The following NAV2 variants were observed in gnomAD, a reference collection of about 807,000 sequenced individuals.
The protein encoded by NAV2 is neuron navigator 2.
A neutral mutation model predicts 223.2 loss-of-function variants in NAV2; 54 were observed. The observed-to-expected ratio is 0.24, with a 90% confidence interval of 0.19 to 0.30. The LOEUF (loss-of-function observed/expected upper bound fraction) is 0.30, where lower values mean the gene tolerates loss of function less well. Among genes scored for constraint, NAV2 ranks in the 10% least tolerant of loss-of-function variants. NAV2 has a pLI of 1.00. For synonymous variants in NAV2, 1,279 were observed against 1,239.3 expected, an observed-to-expected ratio of 1.03 and a Z score of -0.67; for missense variants, 2,806 against 3,147.5, an observed-to-expected ratio of 0.89 and a Z score of 2.60.
At chr11:20,059,112 A>G (rs1194294798) in intron 19 of NAV2, among the ~76,000 whole-genome samples, 1 of 151,368 alleles carries the variant, frequency 6.6e-6, no homozygotes, top group Non-Finnish European at 1.5e-5. Flanking sequence ...GCAAGCTCTG[A>G]TCTTTCATCA....
At chr11:20,051,946 T>C (rs2058039901) in intron 17 of NAV2, among the ~76,000 whole-genome samples, 1 of 152,152 alleles carries the variant, frequency 6.6e-6, no homozygotes, top group Admixed American at 6.5e-5. Flanking sequence ...TCCTGGTAAG[T>C]GGTGGCTCAG....
At chr11:19,412,840 G>A (rs192224493) in intron 1 of NAV2, among the ~76,000 whole-genome samples, 20 of 152,306 alleles carry the variant, frequency 1.3e-4, no homozygotes, top group Middle Eastern at 3.4e-3. Context: ...GGGCCTGACC[G>A]TTAGAAGGCA....
rs570995010 is a variant in NAV2 at position 19,916,012 on chromosome 11, T to C, written c.932-17164T>C. 3.6e-4 allele frequency among the ~76,000 whole-genome samples: 55 copies of C among 152,330 alleles called. 1 individual carries two copies. The highest frequency in any genetic ancestry group is 1.3e-3 in the African/African-American group (55 of 41,582). ...CTCTTCAAGCCTCAGTTTCCTCATC[T>C]GTAAAATGGGGGTATAGCAGTATCT... is the stretch of plus-strand genomic sequence containing the variant. On this transcript the variant is annotated intron_variant, in intron 6 of 37. Transcript: ENST00000349880.
intron 1 of NAV2, among the ~76,000 whole-genome samples, chr11:19,486,655 A>G (rs774572543): frequency 2.6e-4 from 40 of 152,248 alleles, no homozygotes; most frequent in Admixed American, 1.0e-3. Flanking sequence ...GCCTCCCCAA[A>G]CATGTGGAAC....
chr11:19,493,646 T>C (rs1266930165), intron 1 of NAV2, among the ~76,000 whole-genome samples: 1 of 152,142 alleles, frequency 6.6e-6, no homozygotes, highest in African/African-American at 2.4e-5. Flanking sequence ...CCCCTGGGAC[T>C]GCCACCGGAT....
intron 1 of NAV2, among the ~76,000 whole-genome samples, chr11:19,390,151 C>T (rs1249409017): frequency 6.6e-6 from 1 of 152,148 alleles, no homozygotes; most frequent in Non-Finnish European, 1.5e-5. Flanking sequence ...GGATCCTCAC[C>T]ATGGTCATTG....
intron 1 of NAV2, among the ~76,000 whole-genome samples, chr11:19,534,344 A>C (rs1458795539): frequency 6.6e-6 from 1 of 152,194 alleles, no homozygotes; most frequent in Non-Finnish European, 1.5e-5. Context: ...TGCAGACTTC[A>C]GTGCATGGTT....
chr11:19,488,251 T>C (rs2042511216), intron 1 of NAV2, among the ~76,000 whole-genome samples: 1 of 152,200 alleles, frequency 6.6e-6, no homozygotes, highest in Non-Finnish European at 1.5e-5. Flanking sequence ...TATCCGTTGA[T>C]TGAAAAGATG....
intron 11 of NAV2, among the ~76,000 whole-genome samples, chr11:19,996,963 T>G (rs1047397174): frequency 1.3e-5 from 2 of 152,158 alleles, no homozygotes; most frequent in Non-Finnish European, 2.9e-5. Context: ...TTTCTATTGG[T>G]ACCTCTTTCT....
At chr11:19,717,851 A>C (rs145631637) in intron 1 of NAV2, among the ~76,000 whole-genome samples, 348 of 152,326 alleles carry the variant, frequency 2.3e-3, no homozygotes, top group African/African-American at 7.6e-3. Flanking sequence ...CTATTCTGAC[A>C]CCTTGTTTTA....
At chr11:19,387,447 G>A (rs1431789435) in intron 1 of NAV2, among the ~76,000 whole-genome samples, 1 of 152,128 alleles carries the variant, frequency 6.6e-6, no homozygotes, top group African/African-American at 2.4e-5. Flanking sequence ...TGGGCTGGGA[G>A]GTGGGTGGTG....
intron 1 of NAV2, among the ~76,000 whole-genome samples, chr11:19,621,337 C>A (rs903364209): frequency 3.3e-4 from 50 of 152,146 alleles, no homozygotes; most frequent in African/African-American, 1.2e-3. Context: ...ATGGTACCAG[C>A]TCCTCCTTAT....
chr11:19,420,453 A>G (rs957424612), intron 1 of NAV2, among the ~76,000 whole-genome samples: 14 of 152,346 alleles, frequency 9.2e-5, no homozygotes, highest in African/African-American at 3.4e-4. Context: ...AATGAAGGCA[A>G]AAGTAATCTG....
chr11:19,578,325 GC>G (rs1343811840), intron 1 of NAV2, among the ~76,000 whole-genome samples: 1 of 152,258 alleles, frequency 6.6e-6, no homozygotes, highest in Non-Finnish European at 1.5e-5. Flanking sequence ...AGAGAAATGA[GC>G]CAGTGATTTG....
At chr11:19,464,200 G>C (rs1852267027) in intron 1 of NAV2, among the ~76,000 whole-genome samples, 1 of 152,132 alleles carries the variant, frequency 6.6e-6, no homozygotes, top group African/African-American at 2.4e-5. Context: ...CTACACTCTA[G>C]TGGGACTGTT....
At chr11:19,480,958 A>C (rs1401825901) in intron 1 of NAV2, among the ~76,000 whole-genome samples, 1 of 152,200 alleles carries the variant, frequency 6.6e-6, no homozygotes, top group Non-Finnish European at 1.5e-5. Context: ...ATAGAGCCTG[A>C]AGGGGAGGAA....
intron 1 of NAV2, among the ~76,000 whole-genome samples, chr11:19,663,611 A>G (rs1394609117): frequency 2.0e-5 from 3 of 152,094 alleles, no homozygotes; most frequent in African/African-American, 7.2e-5. Flanking sequence ...TCCTAGTGGC[A>G]TATTCTCTTT....
chr11:19,816,686 G>C (rs1287791825), intron 1 of NAV2, among the ~76,000 whole-genome samples: 1 of 152,176 alleles, frequency 6.6e-6, no homozygotes, highest in East Asian at 1.9e-4. Flanking sequence ...CATCAACACA[G>C]AATATCCGCC....
At chr11:19,739,425 G>A (rs1318246132) in intron 1 of NAV2, among the ~76,000 whole-genome samples, 1 of 152,168 alleles carries the variant, frequency 6.6e-6, no homozygotes, top group Non-Finnish European at 1.5e-5. Context: ...AAATGACAGA[G>A]CAGAGATGTA....
Sources: gnomAD v4.1 joint callset for allele counts (sites outside exome capture counted in the v4.1 genomes callset) on GRCh38, gnomAD v4.1.1 for gene constraint, MANE v1.5 for transcripts, NCBI Gene and HGNC (gene_info 2026-07-23, HGNC 2026-07-21) for gene names.